CNTN4: variants seen among roughly 807,000 people sequenced by gnomAD.
CNTN4 encodes the protein contactin 4, also known as contactin-4.
A neutral mutation model predicts 122.5 loss-of-function variants in CNTN4; 77 were observed. The observed-to-expected ratio is 0.63, with a 90% CI of 0.52 to 0.76. The LOEUF (loss-of-function observed/expected upper bound fraction) is 0.76. Ranked by LOEUF, CNTN4 falls within the 30% of genes least tolerant of loss-of-function variation. The pLI is 0.00. For missense variants in CNTN4, 1,256 were observed against 1,259.1 expected (o/e 1.00, Z 0.04); for synonymous variants, 512 against 447.0 (o/e 1.15, Z -1.83).
chr3:3,042,847 G>A (rs1700290048), intron 21 of CNTN4, 130 bp from the exon 22 acceptor site: 2 of 767,718 alleles, frequency 2.6e-6, no homozygotes, highest in East Asian at 2.6e-5. Context: ...CCTTTGTCCT[G>A]ATAGCTCTGC....
At chr3:2,235,977 A>T (rs1191536007) in intron 2 of CNTN4, among the ~76,000 whole-genome samples, 2 of 152,152 alleles carry the variant, frequency 1.3e-5, no homozygotes, top group African/African-American at 4.8e-5. Flanking sequence ...AAATGTTATT[A>T]TAGGAGATAC....
At chr3:2,435,711 G>T (rs1043240177) in intron 3 of CNTN4, among the ~76,000 whole-genome samples, 4 of 152,116 alleles carry the variant, frequency 2.6e-5, no homozygotes, top group Non-Finnish European at 5.9e-5. Flanking sequence ...ACATACAAGG[G>T]ATGTTCCTCT....
At chr3:2,764,619 A>G (rs1282310912) in intron 6 of CNTN4, among the ~76,000 whole-genome samples, 2 of 152,180 alleles carry the variant, frequency 1.3e-5, no homozygotes, top group Non-Finnish European at 2.9e-5. Context: ...CTGACTTAAG[A>G]TTAGGAAAAT....
intron 6 of CNTN4, among the ~76,000 whole-genome samples, chr3:2,798,089 A>T (rs2092247344): frequency 6.9e-6 from 1 of 144,350 alleles, no homozygotes; most frequent in Admixed American, 7.1e-5. Flanking sequence ...CCACTCTTTC[A>T]ACTCTCCAGT....
intron 2 of CNTN4, among the ~76,000 whole-genome samples, chr3:2,174,746 T>A (rs2036675176): frequency 6.6e-6 from 1 of 152,170 alleles, no homozygotes; most frequent in African/African-American, 2.4e-5. Flanking sequence ...CTGCAAGTGG[T>A]ATAAGCATGG....
chr3:2,329,108 A>G (rs2043600188), intron 2 of CNTN4, among the ~76,000 whole-genome samples: 1 of 152,342 alleles, frequency 6.6e-6, no homozygotes, highest in Non-Finnish European at 1.5e-5. Context: ...CATAAAAATA[A>G]ATTTGCAAAT....
At chr3:2,979,356 C>G (rs1024214138) in intron 13 of CNTN4, among the ~76,000 whole-genome samples, 1 of 151,712 alleles carries the variant, frequency 6.6e-6, no homozygotes, top group Admixed American at 6.6e-5. Context: ...AAGTGGGGAA[C>G]CAGGGGAATG....
intron 3 of CNTN4, among the ~76,000 whole-genome samples, chr3:2,359,523 A>G (rs1435489503): frequency 6.6e-6 from 1 of 152,092 alleles, no homozygotes; most frequent in East Asian, 1.9e-4. Context: ...CTTAACTGAA[A>G]TCATGTATAT....
At chr3:2,402,165 C>G (rs761624908) in intron 3 of CNTN4, among the ~76,000 whole-genome samples, 21 of 152,066 alleles carry the variant, frequency 1.4e-4, no homozygotes, top group Admixed American at 1.3e-4. Flanking sequence ...CAGGGTTCTG[C>G]CCCAAATCTC....
chr3:2,421,528 A>G (rs1269632507), intron 3 of CNTN4, among the ~76,000 whole-genome samples: 3 of 152,148 alleles, frequency 2.0e-5, no homozygotes, highest in Non-Finnish European at 4.4e-5. Flanking sequence ...CTGGGATTAC[A>G]GATGTTAGCC....
At chr3:2,948,458 G>A (rs1577368499) in intron 13 of CNTN4, among the ~76,000 whole-genome samples, 1 of 152,194 alleles carries the variant, frequency 6.6e-6, no homozygotes, top group South Asian at 2.1e-4. Flanking sequence ...AACAGAGAAA[G>A]GAGAGTGAAC....
intron 4 of CNTN4, among the ~76,000 whole-genome samples, chr3:2,688,562 C>G (rs1448683900): frequency 6.6e-6 from 1 of 152,152 alleles, no homozygotes; most frequent in East Asian, 1.9e-4. Flanking sequence ...AGATGTGATT[C>G]CTGTTATTGG....
At chr3:2,960,839 A>G (rs541907812) in intron 13 of CNTN4, among the ~76,000 whole-genome samples, 164 of 152,276 alleles carry the variant, frequency 1.1e-3, no homozygotes, top group Middle Eastern at 3.4e-3. Context: ...ATGAAATGGT[A>G]GTAGAATGGA....
In CNTN4 at chr3:3,043,141, C is replaced by A; in HGVS notation, c.2676C>A (p.Val892=). 1.9e-6 allele frequency: 3 copies of A among 1,614,098 alleles called. No individual in the cohort carries two copies. The highest frequency in any genetic ancestry group is 2.5e-6 in the Non-Finnish European group (3 of 1,180,018). The change falls in exon 22 of 25, where the codon GTC becomes GTA. Residue 892 remains valine, a synonymous_variant. Coordinates refer to ENST00000418658, the MANE Select transcript of CNTN4 (RefSeq NM_175607.3). The stretch of plus-strand genomic sequence containing the variant: ...GGACAGGCCCCTCTAGTGCAACAGT[C>A]AATGTGACAACCCGAAAGCCACGTA... ...SAGTGPSSAT[V]NVTTRKPPPS...
At chr3:2,606,757 C>G (rs1019038062) in intron 4 of CNTN4, among the ~76,000 whole-genome samples, 2 of 152,198 alleles carry the variant, frequency 1.3e-5, no homozygotes, top group Non-Finnish European at 1.5e-5. Context: ...TGGTTTCCCT[C>G]TTTAAGGTCT....
chr3:2,116,231 G>A (rs996419186), intron 2 of CNTN4, among the ~76,000 whole-genome samples: 4 of 152,042 alleles, frequency 2.6e-5, no homozygotes, highest in Admixed American at 6.6e-5. Context: ...CATAATTAAC[G>A]TGAGGCATAA....
chr3:2,819,813 C>T (rs1289905920), intron 7 of CNTN4, among the ~76,000 whole-genome samples: 3 of 152,150 alleles, frequency 2.0e-5, no homozygotes, highest in Non-Finnish European at 2.9e-5. Context: ...AAGAAAGACA[C>T]CTGAGTCGAT....
chr3:2,564,536 A>G (rs1358421139), intron 3 of CNTN4, among the ~76,000 whole-genome samples: 2 of 152,184 alleles, frequency 1.3e-5, no homozygotes, highest in Non-Finnish European at 2.9e-5. Context: ...CCTTCTTCTT[A>G]TAGAATAATG....
intron 2 of CNTN4, chr3:2,262,330 T>G (rs1161071699): frequency 6.6e-6 from 1 of 152,274 alleles, no homozygotes; most frequent in Middle Eastern, 3.4e-3. Flanking sequence ...TTTTTCATAT[T>G]CTTTCTCTAC....
Sources: allele counts gnomAD v4.1 joint callset (sites outside exome capture counted in the v4.1 genomes callset), GRCh38; gene constraint gnomAD v4.1.1; transcripts MANE v1.5; gene names NCBI Gene and HGNC (gene_info 2026-07-23, HGNC 2026-07-21).